The following FOXN3 variants were observed in gnomAD, a reference collection of about 807,000 sequenced individuals.
The protein encoded by FOXN3 is forkhead box N3.
Under a neutral mutation model 38.4 loss-of-function variants are expected in FOXN3, and 7 were observed. The ratio of observed to expected loss-of-function variants is 0.18; its 90% CI spans 0.10 to 0.34. The LOEUF (loss-of-function observed/expected upper bound fraction) is 0.34. FOXN3 is among the 10% of genes least tolerant of loss of function. FOXN3 has a pLI of 1.00. For synonymous variants in FOXN3, 230 were observed against 242.2 expected (o/e 0.95, Z 0.47); for missense variants, 456 against 613.4 (o/e 0.74, Z 2.71).
At chr14:89,407,866 G>A (rs1025043708) in intron 2 of FOXN3, among the ~76,000 whole-genome samples, 4 of 151,960 alleles carry the variant, frequency 2.6e-5, no homozygotes, top group Non-Finnish European at 5.9e-5. Context: ...CAGAAACAGC[G>A]ACAACAAAAA....
At chr14:89,183,069 G>T (rs1331825744) in intron 4 of FOXN3, among the ~76,000 whole-genome samples, 1 of 152,238 alleles carries the variant, frequency 6.6e-6, no homozygotes, top group African/African-American at 2.4e-5. Context: ...GTAGAAGACA[G>T]CAGAACTCTT....
chr14:89,408,883 CAT>C (rs1283278399), intron 2 of FOXN3, among the ~76,000 whole-genome samples: 2 of 152,092 alleles, frequency 1.3e-5, no homozygotes, highest in African/African-American at 4.8e-5. Context: ...AATAAAATCT[CAT>C]AGGAAAAAAC....
chr14:89,464,316 C>T (rs1239384011), intron 1 of FOXN3, among the ~76,000 whole-genome samples: 2 of 152,120 alleles, frequency 1.3e-5, no homozygotes, highest in African/African-American at 4.8e-5. Flanking sequence ...AGCTCAAGTG[C>T]CTACTCTACT....
chr14:89,401,435 C>T (rs1891241794), intron 2 of FOXN3: 1 of 363,192 alleles, frequency 2.8e-6, no homozygotes, highest in African/African-American at 2.1e-5. Context: ...TCAACAGCAA[C>T]AACAACAACA....
intron 4 of FOXN3, among the ~76,000 whole-genome samples, chr14:89,215,081 T>G (rs1596108059): frequency 6.6e-6 from 1 of 152,328 alleles, no homozygotes; most frequent in East Asian, 1.9e-4. Context: ...TTGGTTGGTT[T>G]ATTACATAAT....
At position 89,538,247 on chromosome 14, in the gene FOXN3, A is replaced by G. The variant is rs1894727408; in HGVS notation, c.-15+80781T>C. On this transcript the variant is annotated intron_variant, in intron 1 of 6. Transcript: ENST00000345097. Reference sequence around the variant, plus strand: ...TTCCTAAGTAGCTACTGTGGCCACTATAAGGTCACAAAGATGTTAAAACCC... The same window carrying G: ...TTCCTAAGTAGCTACTGTGGCCACTGTAAGGTCACAAAGATGTTAAAACCC... Among the ~76,000 whole-genome samples, 4 of 152,334 alleles carry G rather than the reference A, an allele frequency of 2.6e-5. No individual in the cohort carries two copies. In the Middle Eastern group the frequency reaches 0.01, roughly 389 times the overall value.
intron 4 of FOXN3, among the ~76,000 whole-genome samples, chr14:89,244,311 C>A (rs1051014941): frequency 1.3e-5 from 2 of 152,114 alleles, no homozygotes; most frequent in African/African-American, 4.8e-5. Context: ...AATGCAGGAA[C>A]CTTCAAATAT....
chr14:89,254,018 G>A (rs950830416), intron 4 of FOXN3, among the ~76,000 whole-genome samples: 1 of 152,030 alleles, frequency 6.6e-6, no homozygotes, highest in Admixed American at 6.6e-5. Flanking sequence ...TTAATCCCTG[G>A]TCAAGAGCAC....
intron 4 of FOXN3, among the ~76,000 whole-genome samples, chr14:89,247,525 T>C (rs1234124811): frequency 2.6e-5 from 4 of 152,188 alleles, no homozygotes; most frequent in Non-Finnish European, 5.9e-5. Context: ...GGAAAGGATG[T>C]CTAGTGCAAG....
At position 89,603,876 on chromosome 14, in the gene FOXN3, C is replaced by G. The variant is rs117015772; in HGVS notation, c.-15+15152G>C. ...ACTTGGTGACATTTACAAAGGCCCA[C>G]CAAGATAGAGTGTATAATAAGAGGC... On this transcript the variant is annotated intron_variant, in intron 1 of 6. Transcript: ENST00000345097. Among the ~76,000 whole-genome samples, 104 of 152,120 alleles carry G rather than the reference C, an allele frequency of 6.8e-4. 1 individual carries two copies. In the East Asian group the frequency reaches 0.018, roughly 26 times the overall value.
At chr14:89,508,707 C>T (rs1246479295) in intron 1 of FOXN3, among the ~76,000 whole-genome samples, 1 of 152,132 alleles carries the variant, frequency 6.6e-6, no homozygotes, top group Non-Finnish European at 1.5e-5. Context: ...CTCCAATGTT[C>T]GTGGGCCATG....
At chr14:89,238,841 T>C (rs1027865915) in intron 4 of FOXN3, among the ~76,000 whole-genome samples, 3 of 151,890 alleles carry the variant, frequency 2.0e-5, no homozygotes, top group Admixed American at 1.3e-4. Flanking sequence ...AATGTATCCA[T>C]TTCTAAATGG....
intron 1 of FOXN3, among the ~76,000 whole-genome samples, chr14:89,556,058 G>A (rs1895117291): frequency 6.6e-6 from 1 of 151,958 alleles, no homozygotes; most frequent in South Asian, 2.1e-4. Context: ...AAATTTAAGG[G>A]ATGCTAAAAC....
At chr14:89,433,301 G>A (rs1000100734) in intron 1 of FOXN3, among the ~76,000 whole-genome samples, 38 of 152,204 alleles carry the variant, frequency 2.5e-4, no homozygotes, top group African/African-American at 9.1e-4. Flanking sequence ...GGCCAATCTG[G>A]TGAAACCCCA....
rs1893371945 is a variant in FOXN3 at position 89,483,033 on chromosome 14, C to T, written c.-14-70543G>A. 2.6e-5 allele frequency among the ~76,000 whole-genome samples: 4 copies of T among 152,122 alleles called. No homozygotes were observed. The South Asian group carries it at 6.2e-4, about 24-fold the overall frequency. The stretch of plus-strand genomic sequence containing the variant: ...GACCAGCCTGGCCAACATGGCGAAA[C>T]CCCATCTCTACAAAAATACAAAAAT... On this transcript the variant is annotated intron_variant, in intron 1 of 6. Transcript: ENST00000345097.
chr14:89,318,262 G>C (rs1460435549), intron 3 of FOXN3, among the ~76,000 whole-genome samples: 1 of 149,900 alleles, frequency 6.7e-6, no homozygotes, highest in Non-Finnish European at 1.5e-5. Flanking sequence ...AGATTCAAGT[G>C]ATTCTCTTGC....
At chr14:89,369,108 G>T (rs371559186) in intron 2 of FOXN3, among the ~76,000 whole-genome samples, 3 of 152,274 alleles carry the variant, frequency 2.0e-5, no homozygotes, top group South Asian at 2.1e-4. Flanking sequence ...AGCTTGATGC[G>T]TTATCCAGGA....
intron 1 of FOXN3, among the ~76,000 whole-genome samples, chr14:89,456,101 G>A (rs983106403): frequency 2.0e-5 from 3 of 151,196 alleles, no homozygotes; most frequent in African/African-American, 7.3e-5. Flanking sequence ...GGCTGAGGCA[G>A]GAGAATTGCT....
intron 1 of FOXN3, among the ~76,000 whole-genome samples, chr14:89,458,616 G>A (rs1230820784): frequency 2.6e-5 from 4 of 152,146 alleles, no homozygotes; most frequent in African/African-American, 9.7e-5. Context: ...AATAATTTGA[G>A]TTTCAACTTG....
Sources: gnomAD v4.1 joint callset for allele counts (sites outside exome capture counted in the v4.1 genomes callset) on GRCh38, gnomAD v4.1.1 for gene constraint, MANE v1.5 for transcripts, NCBI Gene and HGNC (gene_info 2026-07-23, HGNC 2026-07-21) for gene names.